HTR1F: variants seen among roughly 807,000 people sequenced by gnomAD.
The protein encoded by HTR1F is 5-hydroxytryptamine (serotonin) receptor 1F, G protein-coupled.
HTR1F carries 17 observed loss-of-function variants against 24.0 expected under a neutral mutation model. That is an observed-to-expected ratio of 0.71 (90% CI 0.48 to 1.06). The LOEUF (loss-of-function observed/expected upper bound fraction) is 1.06. Ranked by LOEUF, HTR1F falls within the 50% of genes least tolerant of loss-of-function variation. The pLI is 0.00. For synonymous variants in HTR1F, 186 were observed against 156.8 expected (o/e 1.19, Z -1.39); for missense variants, 391 against 427.8 (o/e 0.91, Z 0.76).
intron 2 of HTR1F, among the ~76,000 whole-genome samples, chr3:87,893,045 G>A (rs560169477): frequency 1.3e-5 from 2 of 151,220 alleles, no homozygotes; most frequent in African/African-American, 4.9e-5. Flanking sequence ...GATCTTTAAA[G>A]TTTGTTATAC....
chr3:87,800,205 G>C (rs967016994), intron 1 of HTR1F, among the ~76,000 whole-genome samples: 2 of 152,034 alleles, frequency 1.3e-5, no homozygotes, highest in African/African-American at 4.8e-5. Flanking sequence ...GGCTCCTCAT[G>C]TCATTCTGGG....
intron 1 of HTR1F, among the ~76,000 whole-genome samples, chr3:87,815,817 T>C (rs1175958403): frequency 6.6e-6 from 1 of 152,088 alleles, no homozygotes; most frequent in Non-Finnish European, 1.5e-5. Flanking sequence ...GTAGCATTCC[T>C]TCTAAAAACA....
chr3:87,823,811 G>C (rs951746755), intron 2 of HTR1F, among the ~76,000 whole-genome samples: 3 of 152,108 alleles, frequency 2.0e-5, no homozygotes, highest in Non-Finnish European at 4.4e-5. Flanking sequence ...TGTAACTTCA[G>C]CACTTTTGGG....
intron 2 of HTR1F, among the ~76,000 whole-genome samples, chr3:87,870,834 T>G (rs1705537794): frequency 6.6e-6 from 1 of 152,008 alleles, no homozygotes; most frequent in African/African-American, 2.4e-5. Context: ...AATTGGAAAT[T>G]TATATGCACA....
intron 1 of HTR1F, among the ~76,000 whole-genome samples, chr3:87,818,758 T>C (rs893454082): frequency 2.4e-4 from 37 of 152,188 alleles, no homozygotes; most frequent in African/African-American, 8.9e-4. Flanking sequence ...ACAAAATTTA[T>C]GAAGGCACTC....
chr3:87,924,912 TC>T (rs1704088746), intron 2 of HTR1F, among the ~76,000 whole-genome samples: 1 of 152,188 alleles, frequency 6.6e-6, no homozygotes. Flanking sequence ...TTTTTAACTC[TC>T]TCAAGACTTA....
At chr3:87,924,600 G>A (rs1441319425) in intron 2 of HTR1F, among the ~76,000 whole-genome samples, 2 of 152,124 alleles carry the variant, frequency 1.3e-5, no homozygotes, top group African/African-American at 4.8e-5. Context: ...GTCTGGAAAA[G>A]ACTATTTCTC....
intron 2 of HTR1F, among the ~76,000 whole-genome samples, chr3:87,830,129 T>G (rs1307252606): frequency 3.3e-5 from 5 of 152,336 alleles, no homozygotes; most frequent in Non-Finnish European, 7.4e-5. Flanking sequence ...CTTGGGTAGT[T>G]AAACATTTAA....
intron 2 of HTR1F, among the ~76,000 whole-genome samples, chr3:87,899,928 A>T (rs1239159317): frequency 1.3e-5 from 2 of 152,196 alleles, no homozygotes; most frequent in African/African-American, 4.8e-5. Context: ...TCAATGAGTC[A>T]AATAAATAAA....
chr3:87,894,012 C>CT (rs112398757), intron 2 of HTR1F, among the ~76,000 whole-genome samples: 26,000 of 147,670 alleles, frequency 0.18, 3,850 homozygotes, highest in African/African-American at 0.41. Context: ...TTTTATTTTT[C>CT]TTTTTTTTTT....
chr3:87,901,649 G>A (rs189628326), intron 2 of HTR1F, among the ~76,000 whole-genome samples: 2 of 151,844 alleles, frequency 1.3e-5, no homozygotes, highest in Admixed American at 1.3e-4. Flanking sequence ...CTGCTTAAGC[G>A]ATTATGTGTT....
At chr3:87,877,754 G>C (rs1397050812) in intron 2 of HTR1F, among the ~76,000 whole-genome samples, 1 of 152,136 alleles carries the variant, frequency 6.6e-6, no homozygotes, top group Non-Finnish European at 1.5e-5. Flanking sequence ...ACTGTACATG[G>C]AGGATGAGCT....
chr3:87,843,484 G>C (rs1425664545), intron 2 of HTR1F, among the ~76,000 whole-genome samples: 1 of 149,568 alleles, frequency 6.7e-6, no homozygotes, highest in East Asian at 1.9e-4. Context: ...CCTACCACTG[G>C]CCCTTCACCA....
intron 2 of HTR1F, among the ~76,000 whole-genome samples, chr3:87,961,255 G>A (rs1576092742): frequency 6.6e-6 from 1 of 152,108 alleles, no homozygotes; most frequent in East Asian, 1.9e-4. Context: ...GAATACTAAC[G>A]AATGATATTA....
chr3:87,843,756 C>T (rs1464076362), intron 2 of HTR1F, among the ~76,000 whole-genome samples: 2 of 149,680 alleles, frequency 1.3e-5, no homozygotes, highest in Non-Finnish European at 2.9e-5. Flanking sequence ...CAGTTCCCAC[C>T]TATGAGTGAG....
At chr3:87,984,773 A>G (rs1705627097) in intron 2 of HTR1F, among the ~76,000 whole-genome samples, 1 of 152,154 alleles carries the variant, frequency 6.6e-6, no homozygotes, top group African/African-American at 2.4e-5. Context: ...AGGTATTTTT[A>G]TAACTCTCAG....
chr3:87,985,319 A>G (rs1048548380), intron 2 of HTR1F, among the ~76,000 whole-genome samples: 2 of 146,706 alleles, frequency 1.4e-5, no homozygotes, highest in African/African-American at 5.0e-5. Flanking sequence ...CTGGGCAACA[A>G]GAGCGAACCT....
At chr3:87,864,464 A>C (rs887357275) in intron 2 of HTR1F, among the ~76,000 whole-genome samples, 3 of 152,084 alleles carry the variant, frequency 2.0e-5, no homozygotes, top group Non-Finnish European at 2.9e-5. Flanking sequence ...TATTTCCAGG[A>C]TCTCATCTGA....
At chr3:87,877,340 G>T (rs1376172539) in intron 2 of HTR1F, among the ~76,000 whole-genome samples, 1 of 152,038 alleles carries the variant, frequency 6.6e-6, no homozygotes, top group Non-Finnish European at 1.5e-5. Context: ...AGGAGACAAT[G>T]AATTTTATTT....
Sources: gnomAD v4.1 joint callset for allele counts (sites outside exome capture counted in the v4.1 genomes callset) on GRCh38, gnomAD v4.1.1 for gene constraint, MANE v1.5 for transcripts, NCBI Gene and HGNC (gene_info 2026-07-23, HGNC 2026-07-21) for gene names.